RAP1GDS1: variants seen among roughly 807,000 people sequenced by gnomAD.
The protein encoded by RAP1GDS1 is RAP1, GTP-GDP dissociation stimulator 1.
Under a neutral mutation model 71.1 loss-of-function variants are expected in RAP1GDS1, and 35 were observed. The ratio of observed to expected loss-of-function variants is 0.49; its 90% CI spans 0.38 to 0.65. The LOEUF is 0.65. Ranked by LOEUF, RAP1GDS1 falls within the 30% of genes least tolerant of loss-of-function variation. RAP1GDS1 has a pLI of 0.00. For synonymous variants in RAP1GDS1, 229 were observed against 243.1 expected, an observed-to-expected ratio of 0.94 and a Z score of 0.54; for missense variants, 663 against 706.1, an observed-to-expected ratio of 0.94 and a Z score of 0.69.
At chr4:98,322,956 C>A (rs1296493193) in intron 2 of RAP1GDS1, among the ~76,000 whole-genome samples, 1 of 144,752 alleles carries the variant, frequency 6.9e-6, no homozygotes, top group Admixed American at 6.8e-5. Flanking sequence ...ACACAAAAAA[C>A]CCTTCAAAAA....
intron 2 of RAP1GDS1, among the ~76,000 whole-genome samples, chr4:98,302,962 C>T (rs1402045979): frequency 6.6e-6 from 1 of 151,944 alleles, no homozygotes; most frequent in African/African-American, 2.4e-5. Flanking sequence ...ATGAGAATTG[C>T]TTGAGCCCGG....
At chr4:98,317,471 C>T (rs1184135410) in intron 2 of RAP1GDS1, among the ~76,000 whole-genome samples, 1 of 152,124 alleles carries the variant, frequency 6.6e-6, no homozygotes, top group African/African-American at 2.4e-5. Context: ...GCCAGTCTGG[C>T]TTCTACTGTC....
rs185367529 is a variant in RAP1GDS1, at chr4:98,292,092, C to T, written c.5-1316C>T. Among the ~76,000 whole-genome samples the T allele has an allele frequency of 6.8e-4, 102 of 150,898 alleles. No homozygotes were observed. The East Asian group carries it at 0.016, about 23-fold the overall frequency. On this transcript the variant is annotated intron_variant, in intron 1 of 14. Transcript: ENST00000408927. ...GAAGAAGATACGAGAGTCCAGTCATCTTCTGTTGAACCACATTATGGAGAT... is the reference window on the plus strand; with the variant it reads ...GAAGAAGATACGAGAGTCCAGTCATTTTCTGTTGAACCACATTATGGAGAT...
At chr4:98,266,019 A>G (rs1722677207) in intron 1 of RAP1GDS1, among the ~76,000 whole-genome samples, 1 of 152,166 alleles carries the variant, frequency 6.6e-6, no homozygotes, top group African/African-American at 2.4e-5. Flanking sequence ...AAGATCTGTG[A>G]GAAAACATAG....
chr4:98,282,219 G>T (rs2110254913), intron 1 of RAP1GDS1, among the ~76,000 whole-genome samples: 1 of 152,292 alleles, frequency 6.6e-6, no homozygotes, highest in African/African-American at 2.4e-5. Context: ...GTAGAATTCG[G>T]CTGTGAATCC....
chr4:98,418,472 A>AT (rs958596425), intron 9 of RAP1GDS1, among the ~76,000 whole-genome samples, 185 bp from the exon 10 acceptor site: 14 of 152,048 alleles, frequency 9.2e-5, no homozygotes, highest in Admixed American at 1.3e-4. Context: ...TAGTTTAAGA[A>AT]TTTTTTTTAA....
At chr4:98,317,355 G>A (rs1174710639) in intron 2 of RAP1GDS1, among the ~76,000 whole-genome samples, 4 of 152,062 alleles carry the variant, frequency 2.6e-5, no homozygotes, top group African/African-American at 4.8e-5. Context: ...AAACCTTTCC[G>A]CACTCATGTT....
chr4:98,379,146 A>G lies in RAP1GDS1; in HGVS notation c.491A>G (p.Asn164Ser). ...ACTGTCTTTTGTGGCATGCTGATGAACTATAGCAATGAGAATGGTAAACAA... is the reference window on the plus strand; with the variant it reads ...ACTGTCTTTTGTGGCATGCTGATGAGCTATAGCAATGAGAATGGTAAACAA... ...LLTVFCGMLM[N>S]YSNENDSLQA... Residue 164 changes from asparagine to serine, a missense_variant, in exon 5 of 15, where the codon AAC (asparagine) becomes AGC (serine). By Grantham distance (46) the Asn-to-Ser change is conservative (BLOSUM62 1). Coordinates refer to ENST00000408927, the MANE Select transcript of RAP1GDS1 (RefSeq NM_001100427.2). 1 of 1,598,408 alleles carries G rather than the reference A, an allele frequency of 6.3e-7. No homozygotes were observed. The highest frequency in any genetic ancestry group is 8.5e-7 in the Non-Finnish European group (1 of 1,174,688).
chr4:98,303,169 A>G (rs1380010406), intron 2 of RAP1GDS1, among the ~76,000 whole-genome samples: 1 of 152,184 alleles, frequency 6.6e-6, no homozygotes, highest in East Asian at 1.9e-4. Flanking sequence ...TTTATATTGA[A>G]CCAAGCTGCC....
chr4:98,414,654 C>T (rs1021710178), intron 7 of RAP1GDS1, among the ~76,000 whole-genome samples: 34 of 149,896 alleles, frequency 2.3e-4, no homozygotes, highest in African/African-American at 7.9e-4. Flanking sequence ...TAGTGTGATG[C>T]CTCCAGCTTT....
At position 98,343,126 on chromosome 4, in the gene RAP1GDS1, G is replaced by A; in HGVS notation, c.113-13G>A. The A allele has an allele frequency of 1.9e-6, 3 of 1,599,258 alleles. No individual in the cohort carries two copies. Among genetic ancestry groups the A allele is most frequent in the Non-Finnish European group, 2.6e-6 (3 of 1,171,704 alleles). On this transcript the variant is annotated splice_polypyrimidine_tract_variant and intron_variant, in intron 2 of 14. Coordinates refer to ENST00000408927, the MANE Select transcript of RAP1GDS1 (RefSeq NM_001100427.2). Reference sequence around the variant, plus strand: ...AGATTTTCACTGAAGCTCTTTGTATGTATCTCTTTTAGATACGGAAACAAG... The same window carrying A: ...AGATTTTCACTGAAGCTCTTTGTATATATCTCTTTTAGATACGGAAACAAG...
intron 4 of RAP1GDS1, among the ~76,000 whole-genome samples, chr4:98,363,145 A>G (rs1738990999): frequency 6.6e-6 from 1 of 152,178 alleles, no homozygotes; most frequent in African/African-American, 2.4e-5. Flanking sequence ...GAGGTCTGGA[A>G]AATGAGAATG....
At chr4:98,364,184 C>G (rs538027417) in intron 4 of RAP1GDS1, among the ~76,000 whole-genome samples, 1 of 152,178 alleles carries the variant, frequency 6.6e-6, no homozygotes, top group African/African-American at 2.4e-5. Context: ...TTAAAATAAT[C>G]TCCTGCATTT....
chr4:98,442,269 A>C lies in RAP1GDS1; in HGVS notation c.*152A>C. ...GAACCGCTGTAGGTACCTCCCTAAT[A>C]AGATTTCTAAACCTATAGTTAGTGT... On this transcript the variant is annotated 3_prime_UTR_variant, in exon 15 of 15. Coordinates refer to ENST00000408927, the MANE Select transcript of RAP1GDS1 (RefSeq NM_001100427.2). 1 of 1,043,878 alleles carries C rather than the reference A, an allele frequency of 9.6e-7. No individual in the cohort carries two copies. The highest frequency in any genetic ancestry group is 1.3e-6 in the Non-Finnish European group (1 of 757,314). 64.7% of individuals were successfully genotyped at this position (1,043,878 alleles called of 1,614,324 possible). A position where few individuals can be genotyped will look rare whatever the true frequency, so the allele number is the denominator to read the frequency against.
chr4:98,394,318 A>G (rs908257186), intron 6 of RAP1GDS1, among the ~76,000 whole-genome samples: 5 of 152,170 alleles, frequency 3.3e-5, no homozygotes, highest in African/African-American at 1.2e-4. Flanking sequence ...TCCACTTCTC[A>G]AATGAGAGTC....
rs1032569685 is a variant in RAP1GDS1 at position 98,354,287 on chromosome 4, C to T, written c.361+1686C>T. ...CCTTGTTAGCCAGGATGGTCTCGATCTCCTGACCTCATGATCCACCCGCCT... is the reference window on the plus strand; with the variant it reads ...CCTTGTTAGCCAGGATGGTCTCGATTTCCTGACCTCATGATCCACCCGCCT... On this transcript the variant is annotated intron_variant, in intron 4 of 14. Coordinates refer to ENST00000408927, the MANE Select transcript of RAP1GDS1 (RefSeq NM_001100427.2). 6.0e-4 allele frequency among the ~76,000 whole-genome samples: 91 copies of T among 152,076 alleles called. 1 individual carries two copies. Among genetic ancestry groups the T allele is most frequent in the African/African-American group, 2.1e-3 (86 of 41,518 alleles).
Position 98,324,444 on chromosome 4 carries a change from A to G in RAP1GDS1, c.113-18695A>G, listed in dbSNP as rs574966485. 2.2e-3 allele frequency among the ~76,000 whole-genome samples: 340 copies of G among 151,682 alleles called. 1 individual carries two copies. The highest frequency in any genetic ancestry group is 3.5e-3 in the Non-Finnish European group (237 of 67,990). On this transcript the variant is annotated intron_variant, in intron 2 of 14. Coordinates refer to ENST00000408927, the MANE Select transcript of RAP1GDS1 (RefSeq NM_001100427.2). ...ACTTTAAAGTTCATATGGAACCAAG[A>G]AAGAGCCCGCATCGCCAAGTCAATC... is the stretch of plus-strand genomic sequence containing the variant.
chr4:98,374,714 A>C (rs780792526), intron 4 of RAP1GDS1, among the ~76,000 whole-genome samples: 2 of 152,160 alleles, frequency 1.3e-5, no homozygotes, highest in Admixed American at 6.5e-5. Flanking sequence ...ACTTGAGTGC[A>C]GTATGTTCTT....
intron 2 of RAP1GDS1, among the ~76,000 whole-genome samples, chr4:98,308,202 G>A (rs1729627154): frequency 6.7e-6 from 1 of 149,294 alleles, no homozygotes; most frequent in Non-Finnish European, 1.5e-5. Flanking sequence ...GTGTATATGT[G>A]TGCGTGTATA....
Sources: allele counts gnomAD v4.1 joint callset (sites outside exome capture counted in the v4.1 genomes callset), GRCh38; gene constraint gnomAD v4.1.1; transcripts MANE v1.5; gene names NCBI Gene and HGNC (gene_info 2026-07-23, HGNC 2026-07-21).